CNOT1: variants seen among roughly 807,000 people sequenced by gnomAD.
CNOT1 encodes the protein CCR4-NOT transcription complex subunit 1.
In CNOT1, 15 loss-of-function variants were observed where a neutral mutation model predicts 273.8. That is an observed-to-expected ratio of 0.05 (90% CI 0.04 to 0.08). The LOEUF is 0.08. CNOT1 is among the 10% of genes least tolerant of loss of function. CNOT1 has a pLI of 1.00. For missense variants in CNOT1, 1,644 were observed against 2,912.2 expected (o/e 0.56, Z 10.02); for synonymous variants, 1,022 against 1,005.5 (o/e 1.02, Z -0.31).
chr16:58,529,803 T>C (rs1351823195), intron 43 of CNOT1, among the ~76,000 whole-genome samples: 1 of 116,746 alleles, frequency 8.6e-6, no homozygotes, highest in Non-Finnish European at 1.7e-5. Context: ...ATCGCGCCAC[T>C]GCACTCCAGC....
intron 16 of CNOT1, among the ~76,000 whole-genome samples, chr16:58,560,823 G>A (rs953185293): frequency 1.2e-4 from 18 of 152,100 alleles, no homozygotes; most frequent in African/African-American, 4.1e-4. Context: ...TCAGGAGTTC[G>A]AGACCAGCCT....
At chr16:58,555,956 A>G (rs2040615495) in intron 19 of CNOT1, 48 bp from the exon 20 acceptor site, 1 of 1,599,104 alleles carries the variant, frequency 6.3e-7, no homozygotes, top group African/African-American at 1.3e-5. Context: ...CCCTTCCTCC[A>G]CTTCCCCATA....
chr16:58,528,377 G>T, intron 44 of CNOT1, 98 bp downstream of exon 44: 1 of 814,672 alleles, frequency 1.2e-6, no homozygotes. Flanking sequence ...AATAGTGTGC[G>T]TGTTATGTTG....
chr16:58,627,403 C>CATAAAA (rs2043629853), intron 1 of CNOT1, among the ~76,000 whole-genome samples: 1 of 65,164 alleles, frequency 1.5e-5, no homozygotes, highest in Non-Finnish European at 2.6e-5. Context: ...GACTCCATCT[C>CATAAAA]AAAAAAAAAA....
chr16:58,586,724 A>T lies in CNOT1; in HGVS notation c.458T>A (p.Leu153His), dbSNP rs746881108. ...AATGTAAGAACGCAGAAGATCTGGA[A>T]GCTTCTGTTTGATAAACTGGGCAGC... Reference protein sequence around the residue: ...GFAAQFIKQKLPDLLRSYIDA... With the variant: ...GFAAQFIKQKHPDLLRSYIDA... The change falls in exon 7 of 49, where the codon CTT becomes CAT. Residue 153 changes from leucine (L) to histidine (H), a missense_variant. Physicochemically the swap from Leu to His is moderately conservative, Grantham distance 99. Transcript: ENST00000317147. 1 of 1,613,102 alleles carries T rather than the reference A, an allele frequency of 6.2e-7. No individual in the cohort carries two copies.
chr16:58,569,434 C>T (rs2041183945), intron 16 of CNOT1, among the ~76,000 whole-genome samples: 1 of 151,430 alleles, frequency 6.6e-6, no homozygotes, highest in Admixed American at 6.6e-5. Context: ...CACTACAGAA[C>T]ACGTTTAAAA....
Position 58,576,530 on chromosome 16 carries a change from T to C in CNOT1, c.1637A>G (p.Tyr546Cys). Residue 546 changes from tyrosine to cysteine, a missense_variant, in exon 14 of 49, where the codon TAC (tyrosine) becomes TGC (cysteine). Around this residue, in one of 13 missense-constraint regions of CNOT1, gnomAD observed 706 missense variants for 1,021.2 expected, o/e 0.69. Coordinates refer to ENST00000317147, the MANE Select transcript of CNOT1 (RefSeq NM_016284.5). ...QLIMHAMAEW[Y>C]MRGEQYDQAK... ...CTGATCATACTGCTCCCCTCTCATGTACCATTCTGCCATTGCATGCATGAT... is the reference window on the plus strand; with the variant it reads ...CTGATCATACTGCTCCCCTCTCATGCACCATTCTGCCATTGCATGCATGAT... 1.2e-6 allele frequency: 2 copies of C among 1,614,210 alleles called. No homozygotes were observed. Among genetic ancestry groups the C allele is most frequent in the Non-Finnish European group, 1.7e-6 (2 of 1,180,026 alleles).
rs2039739021 is a variant in CNOT1 at position 58,530,362 on chromosome 16, T to G, written c.6178-15A>C. On this transcript the variant is annotated splice_polypyrimidine_tract_variant and intron_variant, in intron 42 of 48. Coordinates refer to ENST00000317147, the MANE Select transcript of CNOT1 (RefSeq NM_016284.5). The stretch of plus-strand genomic sequence containing the variant: ...ATAGGCCACCCCTGAAAGAAAGAAA[T>G]GTACATGAGTCATAATTATACTCAG... 9 of 1,583,438 alleles carry G rather than the reference T, an allele frequency of 5.7e-6. No homozygotes were observed. Among genetic ancestry groups the G allele is most frequent in the Non-Finnish European group, 7.8e-6 (9 of 1,157,528 alleles).
intron 17 of CNOT1, among the ~76,000 whole-genome samples, chr16:58,559,240 T>G (rs370007893): frequency 4.6e-5 from 7 of 152,222 alleles, no homozygotes; most frequent in African/African-American, 1.7e-4. Context: ...ATTTACAGAT[T>G]AAGGATGCTC....
At chr16:58,598,692 G>C (rs2042355489) in intron 2 of CNOT1, among the ~76,000 whole-genome samples, 1 of 151,592 alleles carries the variant, frequency 6.6e-6, no homozygotes. Flanking sequence ...TCAGGGCCCT[G>C]AGCACCAGCC....
intron 2 of CNOT1, 83 bp from the exon 3 acceptor site, chr16:58,588,989 T>A: frequency 1.4e-6 from 2 of 1,466,382 alleles, no homozygotes; most frequent in Non-Finnish European, 1.8e-6. Context: ...AAAATCAACC[T>A]CCAAGGCAAA....
At position 58,588,776 on chromosome 16, in the gene CNOT1, T is replaced by C. The variant is rs368884407; in HGVS notation, c.210+23A>G. On this transcript the variant is annotated intron_variant, in intron 3 of 48. Coordinates refer to ENST00000317147, the MANE Select transcript of CNOT1 (RefSeq NM_016284.5). ...TTTAACAATTACAGCTAAGTGGACA[T>C]GAACTCTGTAAGCCCCAAATACCTG... 2.6e-3 allele frequency: 4,250 copies of C among 1,609,870 alleles called. 147 individuals are homozygous for C. In the South Asian group the frequency reaches 0.045, roughly 17 times the overall value.
chr16:58,627,414 A>AAAAAAC (rs1285147182), intron 1 of CNOT1, among the ~76,000 whole-genome samples: 1 of 151,268 alleles, frequency 6.6e-6, no homozygotes, highest in African/African-American at 2.4e-5. Context: ...AAAAAAAAAA[A>AAAAAAC]AAAAAAAAAA....
At chr16:58,603,144 T>C (rs2042534441) in intron 1 of CNOT1, among the ~76,000 whole-genome samples, 1 of 152,240 alleles carries the variant, frequency 6.6e-6, no homozygotes, top group Non-Finnish European at 1.5e-5. Flanking sequence ...CCTGGATTAC[T>C]ATGCTAGCCC....
chr16:58,589,659 G>T lies in CNOT1; in HGVS notation c.103-753C>A, dbSNP rs547858350. ...GCATTGATCAAATGTGTAACAAAAG[G>T]TTTTTTTTTAAGGCAACAATTTTAC... On this transcript the variant is annotated intron_variant, in intron 2 of 48. Transcript: ENST00000317147. Among the ~76,000 whole-genome samples, 5 of 151,456 alleles carry T rather than the reference G, an allele frequency of 3.3e-5. No individual in the cohort carries two copies. The South Asian group carries it at 1.0e-3, about 32-fold the overall frequency.
At chr16:58,597,303 A>G (rs541779540) in intron 2 of CNOT1, among the ~76,000 whole-genome samples, 1 of 151,916 alleles carries the variant, frequency 6.6e-6, no homozygotes, top group Non-Finnish European at 1.5e-5. Context: ...GTGACACTCC[A>G]TCTGTACTAA....
At chr16:58,537,575 C>G (rs2039965111) in intron 38 of CNOT1, among the ~76,000 whole-genome samples, 1 of 152,156 alleles carries the variant, frequency 6.6e-6, no homozygotes. Context: ...TTTCCATTTT[C>G]TATAAAGAAT....
chr16:58,616,594 AT>A (rs879419557), intron 1 of CNOT1, among the ~76,000 whole-genome samples: 37 of 152,288 alleles, frequency 2.4e-4, no homozygotes, highest in Non-Finnish European at 4.3e-4. Context: ...AAAACAAGAT[AT>A]AGTCAAAGTT....
chr16:58,571,096 AAAAAC>A (rs149820819), intron 16 of CNOT1, among the ~76,000 whole-genome samples: 34,440 of 151,696 alleles, frequency 0.23, 4,221 homozygotes, highest in African/African-American at 0.33. Context: ...ATAGCTTGAG[AAAAAC>A]AAAACAAAAC....
Sources: gnomAD v4.1 joint callset for allele counts (sites outside exome capture counted in the v4.1 genomes callset) on GRCh38, gnomAD v4.1.1 for gene constraint, gnomAD v4.1.1 regional missense constraint, MANE v1.5 for transcripts, NCBI Gene and HGNC (gene_info 2026-07-23, HGNC 2026-07-21) for gene names.